The following ABHD12 variants were observed in gnomAD, a reference collection of about 807,000 sequenced individuals.
ABHD12 encodes the protein lysophosphatidylserine lipase ABHD12.
ABHD12 carries 43 observed loss-of-function variants against 58.3 expected under a neutral mutation model. The ratio of observed to expected loss-of-function variants is 0.74; its 90% confidence interval spans 0.58 to 0.95. The LOEUF is 0.95. ABHD12 is among the 40% of genes least tolerant of loss of function. The pLI is 0.00. For missense variants in ABHD12, 539 were observed against 537.2 expected (o/e 1.00, Z -0.03); for synonymous variants, 219 against 211.2 (o/e 1.04, Z -0.32).
intron 7 of ABHD12, among the ~76,000 whole-genome samples, chr20:25,308,860 C>T (rs1448833922): frequency 6.6e-6 from 1 of 152,264 alleles, no homozygotes; most frequent in African/African-American, 2.4e-5. Flanking sequence ...CCCAGGACCA[C>T]ACCTGGTGGA....
chr20:25,304,675 C>G (rs182854226), intron 10 of ABHD12, among the ~76,000 whole-genome samples: 11 of 152,164 alleles, frequency 7.2e-5, no homozygotes, highest in Admixed American at 7.2e-4. Context: ...TCAAGTGATT[C>G]TCCTGCTTCA....
chr20:25,297,282 C>G (rs1378905018), downstream of ABHD12: 1 of 152,258 alleles, frequency 6.6e-6, no homozygotes, highest in Non-Finnish European at 1.5e-5. Flanking sequence ...TTTGCTTATT[C>G]AAAAGAGAAA....
intron 1 of ABHD12, among the ~76,000 whole-genome samples, chr20:25,365,254 T>C (rs1179413908): frequency 6.6e-6 from 1 of 152,246 alleles, no homozygotes; most frequent in East Asian, 1.9e-4. Flanking sequence ...GTCCCCATCA[T>C]GCCCACAGAT....
chr20:25,389,303 CTCCGCCCT>C (rs980542549), intron 1 of ABHD12, among the ~76,000 whole-genome samples: 1 of 152,204 alleles, frequency 6.6e-6, no homozygotes, highest in Non-Finnish European at 1.5e-5. Flanking sequence ...AACTATCAGT[CTCCGCCCT>C]TCTGTCAAAC....
Position 25,300,723 on chromosome 20 carries a change from T to C in ABHD12, c.*122A>G. 6.4e-7 allele frequency: 1 copy of C among 1,573,126 alleles called. No individual in the cohort carries two copies. Among genetic ancestry groups the C allele is most frequent in the Non-Finnish European group, 8.6e-7 (1 of 1,162,736 alleles). ...CCTGGGATCTGAGGTGCTCTCCAGG[T>C]GCGAGCTGGGCTCCTGAGCATTGCA... On this transcript the variant is annotated 3_prime_UTR_variant, in exon 13 of 13. Transcript: ENST00000339157.
chr20:25,328,929 T>C lies in ABHD12; in HGVS notation c.317-5499A>G, dbSNP rs56932655. On this transcript the variant is annotated intron_variant, in intron 2 of 12. Transcript: ENST00000339157. The stretch of plus-strand genomic sequence containing the variant: ...ACACAGCCCCAGAGCGGGGTGGCTG[T>C]AGGAACCCCGTGGCCAGTATTACTC... Among the ~76,000 whole-genome samples, 61 of 152,280 alleles carry C rather than the reference T, an allele frequency of 4.0e-4. 1 individual carries two copies. The East Asian group carries it at 0.012, about 29-fold the overall frequency.
At chr20:25,371,417 A>C (rs573887801) in intron 1 of ABHD12, among the ~76,000 whole-genome samples, 1 of 152,312 alleles carries the variant, frequency 6.6e-6, no homozygotes, top group East Asian at 1.9e-4. Context: ...CCTGGTTATA[A>C]AACGCTTAGT....
At chr20:25,337,603 C>T (rs1358012597) in intron 2 of ABHD12, among the ~76,000 whole-genome samples, 1 of 152,260 alleles carries the variant, frequency 6.6e-6, no homozygotes, top group East Asian at 1.9e-4. Flanking sequence ...CAGGGCAATG[C>T]ACCCCACACC....
At chr20:25,339,774 T>C (rs1196263785) in intron 1 of ABHD12, 3 of 1,267,202 alleles carry the variant, frequency 2.4e-6, no homozygotes, top group African/African-American at 3.1e-5. Flanking sequence ...GTAGGTTACT[T>C]ATTAGCTCCT....
At chr20:25,298,748 G>C (rs569093281), downstream of ABHD12, among the ~76,000 whole-genome samples, 18 of 152,312 alleles carry the variant, frequency 1.2e-4, no homozygotes, top group African/African-American at 4.1e-4. Flanking sequence ...TGCAGATTAA[G>C]AAATCAGGAG....
At chr20:25,296,399 C>T (rs746528562), downstream of ABHD12, 2 of 1,614,090 alleles carry the variant, frequency 1.2e-6, no homozygotes, top group Non-Finnish European at 1.7e-6. Flanking sequence ...AGAAGGTCAT[C>T]AGGAACATCG....
chr20:25,373,254 T>C (rs540844889), intron 1 of ABHD12, among the ~76,000 whole-genome samples: 5 of 152,172 alleles, frequency 3.3e-5, no homozygotes, highest in Non-Finnish European at 7.4e-5. Flanking sequence ...GCGTCAAAGA[T>C]GTTGCTTCAA....
chr20:25,319,222 C>T (rs889441979), intron 4 of ABHD12, among the ~76,000 whole-genome samples: 8 of 152,202 alleles, frequency 5.3e-5, no homozygotes, highest in African/African-American at 1.9e-4. Flanking sequence ...CTGGGTTCTC[C>T]CACAGAGGCT....
intron 1 of ABHD12, among the ~76,000 whole-genome samples, chr20:25,373,471 C>T (rs574587659): frequency 2.8e-4 from 43 of 151,756 alleles, no homozygotes; most frequent in Non-Finnish European, 1.0e-4. Context: ...TGCTTGAATC[C>T]GGAAGATGAA....
chr20:25,346,790 C>A (rs139690959), intron 1 of ABHD12, among the ~76,000 whole-genome samples: 32 of 152,216 alleles, frequency 2.1e-4, no homozygotes, highest in African/African-American at 7.7e-4. Flanking sequence ...GGACTACAGG[C>A]GCCTGCCACC....
chr20:25,298,426 C>T (rs1039535467), downstream of ABHD12, among the ~76,000 whole-genome samples: 7 of 152,034 alleles, frequency 4.6e-5, no homozygotes, highest in South Asian at 2.1e-4. Context: ...CCACCACACC[C>T]GGCTAATTTG....
intron 2 of ABHD12, among the ~76,000 whole-genome samples, chr20:25,330,315 G>A (rs1485813280): frequency 1.3e-5 from 2 of 152,230 alleles, no homozygotes; most frequent in African/African-American, 2.4e-5. Context: ...AGGGTCCTAC[G>A]CCCACGGAGT....
chr20:25,369,260 T>C (rs2089867032), intron 1 of ABHD12, among the ~76,000 whole-genome samples: 1 of 152,176 alleles, frequency 6.6e-6, no homozygotes, highest in Admixed American at 6.5e-5. Context: ...TTTAGAGAAA[T>C]GTCTCTTCGA....
chr20:25,350,221 AC>A (rs1568750954), intron 1 of ABHD12, among the ~76,000 whole-genome samples: 1 of 152,250 alleles, frequency 6.6e-6, no homozygotes, highest in Non-Finnish European at 1.5e-5. Context: ...ACTGTTATTA[AC>A]ACTATTCTGG....
Sources: gnomAD v4.1 joint callset for allele counts (sites outside exome capture counted in the v4.1 genomes callset) on GRCh38, gnomAD v4.1.1 for gene constraint, MANE v1.5 for transcripts, NCBI Gene and HGNC (gene_info 2026-07-23, HGNC 2026-07-21) for gene names.